The following SPATS2 variants were observed in gnomAD, a reference collection of about 807,000 sequenced individuals.
SPATS2 encodes the protein spermatogenesis associated serine rich 2, also known as spermatogenesis-associated serine-rich protein 2.
Under a neutral mutation model 63.7 loss-of-function variants are expected in SPATS2, and 38 were observed. The ratio of observed to expected loss-of-function variants is 0.60; its 90% CI spans 0.46 to 0.78. SPATS2 has a LOEUF of 0.78. Ranked by LOEUF, SPATS2 falls within the 30% of genes least tolerant of loss-of-function variation. SPATS2 has a pLI of 0.00. For missense variants in SPATS2, 588 were observed against 666.2 expected (o/e 0.88, Z 1.29); for synonymous variants, 207 against 232.9 (o/e 0.89, Z 1.01).
At chr12:49,391,077 C>CAA (rs11390302) in intron 2 of SPATS2, among the ~76,000 whole-genome samples, 4 of 151,592 alleles carry the variant, frequency 2.6e-5, no homozygotes, top group Admixed American at 1.3e-4. Flanking sequence ...ATTAAAATTT[C>CAA]AAAAAAAAAT....
intron 3 of SPATS2, among the ~76,000 whole-genome samples, chr12:49,475,565 C>T (rs899568379): frequency 2.6e-5 from 4 of 152,046 alleles, no homozygotes; most frequent in African/African-American, 7.2e-5. Flanking sequence ...CTCAGCCTCC[C>T]GAGTAGCTGG....
intron 11 of SPATS2, among the ~76,000 whole-genome samples, chr12:49,520,575 T>TC (rs1448889536): frequency 2.0e-5 from 3 of 152,192 alleles, no homozygotes; most frequent in Non-Finnish European, 1.5e-5. Context: ...CTCCTGTCTC[T>TC]CCAAGTGCCT....
intron 9 of SPATS2, chr12:49,512,895 A>C: frequency 7.8e-7 from 1 of 1,289,262 alleles, no homozygotes; most frequent in Non-Finnish European, 1.0e-6. Flanking sequence ...TTGGAGCAAA[A>C]TATTGCCAAG....
intron 7 of SPATS2, 112 bp from the exon 8 acceptor site, chr12:49,496,721 T>C: frequency 9.4e-7 from 1 of 1,061,652 alleles, no homozygotes; most frequent in Non-Finnish European, 1.4e-6. Context: ...TTACAGTCTT[T>C]TAAGAGGCAT....
intron 2 of SPATS2, among the ~76,000 whole-genome samples, chr12:49,437,779 G>A (rs982776014): frequency 6.6e-6 from 1 of 152,174 alleles, no homozygotes; most frequent in Non-Finnish European, 1.5e-5. Flanking sequence ...GATGGCAGCA[G>A]TACAGTCCAG....
At chr12:49,416,014 AT>A (rs1336785491) in intron 2 of SPATS2, among the ~76,000 whole-genome samples, 94 of 129,358 alleles carry the variant, frequency 7.3e-4, no homozygotes, top group African/African-American at 2.5e-3. Context: ...AAGACCAAAC[AT>A]TTTACTTTTT....
intron 11 of SPATS2, among the ~76,000 whole-genome samples, chr12:49,520,295 T>C (rs943874135): frequency 4.0e-4 from 61 of 152,150 alleles, no homozygotes; most frequent in African/African-American, 1.4e-3. Context: ...TTTTTATCCT[T>C]TTAGTAGAGA....
chr12:49,508,130 C>T (rs907331887), intron 9 of SPATS2, among the ~76,000 whole-genome samples: 3 of 152,198 alleles, frequency 2.0e-5, no homozygotes, highest in African/African-American at 7.2e-5. Context: ...TTGTTTTATT[C>T]TGCAGTGTTT....
At chr12:49,521,236 C>T (rs147171233) in intron 11 of SPATS2, among the ~76,000 whole-genome samples, 51 of 152,308 alleles carry the variant, frequency 3.3e-4, no homozygotes, top group Non-Finnish European at 5.4e-4. Context: ...ACACTTGCTG[C>T]AGAGGCTGTA....
intron 2 of SPATS2, among the ~76,000 whole-genome samples, chr12:49,449,874 A>T (rs1283724903): frequency 6.6e-6 from 1 of 152,202 alleles, no homozygotes; most frequent in Non-Finnish European, 1.5e-5. Flanking sequence ...GGACACAGCC[A>T]AACCATATCA....
intron 10 of SPATS2, among the ~76,000 whole-genome samples, chr12:49,517,072 G>A (rs1230105849): frequency 6.6e-6 from 1 of 152,114 alleles, no homozygotes; most frequent in Non-Finnish European, 1.5e-5. Context: ...TATCTGTTAC[G>A]TGTAGAAAGC....
intron 3 of SPATS2, among the ~76,000 whole-genome samples, chr12:49,468,637 T>A (rs912615754): frequency 1.3e-5 from 2 of 151,896 alleles, no homozygotes; most frequent in African/African-American, 4.8e-5. Context: ...TCATCATGCC[T>A]GGCTAATTTT....
At chr12:49,457,871 G>A (rs1034136937) in intron 2 of SPATS2, among the ~76,000 whole-genome samples, 2 of 152,150 alleles carry the variant, frequency 1.3e-5, no homozygotes, top group Non-Finnish European at 2.9e-5. Context: ...GGTATATTCT[G>A]TATATTTCCA....
At chr12:49,490,905 G>A (rs915398271) in intron 6 of SPATS2, 174 bp downstream of exon 6, 4 of 567,312 alleles carry the variant, frequency 7.1e-6, no homozygotes, top group African/African-American at 5.7e-5. Flanking sequence ...ACTTTAGGAG[G>A]CCAAGGCAGG....
rs146256265 is a variant in SPATS2 at position 49,400,814 on chromosome 12, A to G, written c.-244+29524A>G. ...GATTGTCATGCTGAGCTAAGAGACC[A>G]TTTGAAGTTAGCTGTTGTGAATTTT... On this transcript the variant is annotated intron_variant, in intron 2 of 13. Transcript: ENST00000552918. Among the ~76,000 whole-genome samples the G allele has an allele frequency of 2.8e-4, 42 of 152,308 alleles. No homozygotes were observed. In the East Asian group the frequency reaches 7.7e-3, roughly 28 times the overall value.
At position 49,428,655 on chromosome 12, in the gene SPATS2, T is replaced by A. The variant is rs995693498; in HGVS notation, c.-243-32115T>A. Among the ~76,000 whole-genome samples the A allele has an allele frequency of 6.6e-5, 10 of 152,336 alleles. No individual in the cohort carries two copies. The East Asian group carries it at 1.9e-3, about 29-fold the overall frequency. On this transcript the variant is annotated intron_variant, in intron 2 of 13. Transcript: ENST00000552918. The stretch of plus-strand genomic sequence containing the variant: ...ATATTCCATCTTTCATAATTTTTTA[T>A]CATCAGTATTGGCACATAGTAGGTT...
intron 2 of SPATS2, among the ~76,000 whole-genome samples, chr12:49,441,051 C>T (rs2137551266): frequency 6.6e-6 from 1 of 152,286 alleles, no homozygotes. Context: ...TATTTAACAA[C>T]TGCTTAGATG....
upstream of SPATS2, chr12:49,367,286 G>C (rs991235879): frequency 1.4e-5 from 5 of 355,388 alleles, no homozygotes; most frequent in Admixed American, 9.4e-5. Context: ...TGGCTGGCTG[G>C]CGCGCACGCG....
chr12:49,427,356 A>C (rs1320354881), intron 2 of SPATS2, among the ~76,000 whole-genome samples: 1 of 152,260 alleles, frequency 6.6e-6, no homozygotes, highest in Non-Finnish European at 1.5e-5. Flanking sequence ...AGATTAATCC[A>C]TATCATTGCA....
Sources: gnomAD v4.1 joint callset for allele counts (sites outside exome capture counted in the v4.1 genomes callset) on GRCh38, gnomAD v4.1.1 for gene constraint, MANE v1.5 for transcripts, NCBI Gene and HGNC (gene_info 2026-07-23, HGNC 2026-07-21) for gene names.